Variants in THSD7A observed in about 807,000 individuals in gnomAD.
THSD7A encodes thrombospondin type-1 domain-containing protein 7A.
In THSD7A, 96 loss-of-function variants were observed where a neutral mutation model predicts 231.3. The observed-to-expected ratio is 0.41, with a 90% CI of 0.35 to 0.49. The LOEUF (loss-of-function observed/expected upper bound fraction) is 0.49. THSD7A is among the 20% of genes least tolerant of loss of function. The pLI, the probability that THSD7A is intolerant of heterozygous loss-of-function variation, is 0.05. For synonymous variants in THSD7A, 940 were observed against 743.3 expected (o/e 1.26, Z -4.30); for missense variants, 2,290 against 2,070.2 (o/e 1.11, Z -2.06).
chr7:11,741,171 C>T (rs1782100408), intron 1 of THSD7A, among the ~76,000 whole-genome samples: 1 of 151,818 alleles, frequency 6.6e-6, no homozygotes, highest in East Asian at 1.9e-4. Context: ...AGGTACTCTG[C>T]CAGGTGTTTA....
intron 4 of THSD7A, among the ~76,000 whole-genome samples, chr7:11,544,124 A>T (rs939886545): frequency 2.0e-5 from 3 of 152,130 alleles, no homozygotes; most frequent in Non-Finnish European, 4.4e-5. Flanking sequence ...TGGGCAGATC[A>T]CGAGGTCAAG....
chr7:11,460,644 T>C lies in THSD7A; in HGVS notation c.2605+18A>G. ...CTAGCGATGCTGGAGAAATGAACTG[T>C]GGAATGGGGCCTCCCACCTCTTGCC... On this transcript the variant is annotated intron_variant, in intron 11 of 27. Coordinates refer to ENST00000423059, the MANE Select transcript of THSD7A (RefSeq NM_015204.3). 6.3e-7 allele frequency: 1 copy of C among 1,589,042 alleles called. No individual in the cohort carries two copies. Among genetic ancestry groups the C allele is most frequent in the Non-Finnish European group, 8.6e-7 (1 of 1,166,416 alleles).
At chr7:11,596,174 T>G (rs919341923) in intron 2 of THSD7A, among the ~76,000 whole-genome samples, 1 of 152,196 alleles carries the variant, frequency 6.6e-6, no homozygotes, top group Non-Finnish European at 1.5e-5. Context: ...ATGGACAATT[T>G]ATGCTGTTAA....
chr7:11,615,592 T>A (rs1781078722), intron 2 of THSD7A, among the ~76,000 whole-genome samples: 1 of 152,222 alleles, frequency 6.6e-6, no homozygotes, highest in African/African-American at 2.4e-5. Context: ...CTGCTTTGGC[T>A]AAATTCTACA....
chr7:11,393,346 A>G (rs1262032472), intron 23 of THSD7A, among the ~76,000 whole-genome samples: 1 of 152,222 alleles, frequency 6.6e-6, no homozygotes, highest in African/African-American at 2.4e-5. Context: ...ATGTCCACTC[A>G]GAGACCCCGA....
At position 11,474,600 on chromosome 7, in the gene THSD7A, T is replaced by A. The variant is rs371015524; in HGVS notation, c.2018-32A>T. ...ACATGGACAATGATAGCAAATTAGA[T>A]ACGGTGCCAACAGGAACCTTACCAT... On this transcript the variant is annotated intron_variant, in intron 7 of 27. Transcript: ENST00000423059. The surrounding 1 kb of genome is among the most constrained non-coding windows in gnomAD (Gnocchi z 4.1). 1 of 1,544,932 alleles carries A rather than the reference T, an allele frequency of 6.5e-7. No individual in the cohort carries two copies. Among genetic ancestry groups the A allele is most frequent in the Non-Finnish European group, 8.9e-7 (1 of 1,128,480 alleles).
intron 1 of THSD7A, among the ~76,000 whole-genome samples, chr7:11,789,878 C>T (rs1027833947): frequency 6.6e-6 from 1 of 151,956 alleles, no homozygotes; most frequent in Admixed American, 6.6e-5. Context: ...ATCCTGTAAG[C>T]TCCTTGTAGG....
At chr7:11,441,046 C>A (rs930803124) in intron 13 of THSD7A, among the ~76,000 whole-genome samples, 1 of 152,006 alleles carries the variant, frequency 6.6e-6, no homozygotes, top group Admixed American at 6.6e-5. Flanking sequence ...ACCACTGCAA[C>A]GCCAGTAGGT....
chr7:11,705,650 T>A (rs1175102076), intron 1 of THSD7A, among the ~76,000 whole-genome samples: 1 of 150,990 alleles, frequency 6.6e-6, no homozygotes, highest in African/African-American at 2.4e-5. Context: ...TACAATAAAA[T>A]TTGTACTATA....
intron 1 of THSD7A, among the ~76,000 whole-genome samples, chr7:11,638,277 G>C (rs887850159): frequency 6.6e-6 from 1 of 152,202 alleles, no homozygotes; most frequent in Non-Finnish European, 1.5e-5. Flanking sequence ...AAAGTGATTT[G>C]CTGAGTTCAA....
intron 17 of THSD7A, among the ~76,000 whole-genome samples, chr7:11,414,680 A>AGTT (rs1174332339): frequency 6.6e-6 from 1 of 152,222 alleles, no homozygotes; most frequent in Non-Finnish European, 1.5e-5. Flanking sequence ...TTCTGAAAAC[A>AGTT]GTTGGTTTCT....
chr7:11,554,868 T>C (rs1231669839), intron 4 of THSD7A, among the ~76,000 whole-genome samples: 1 of 151,926 alleles, frequency 6.6e-6, no homozygotes, highest in Non-Finnish European at 1.5e-5. Flanking sequence ...CCATGTAGTC[T>C]AAGTTGTCAA....
At chr7:11,784,503 C>A (rs970599376) in intron 1 of THSD7A, among the ~76,000 whole-genome samples, 1 of 151,626 alleles carries the variant, frequency 6.6e-6, no homozygotes, top group African/African-American at 2.4e-5. Context: ...TTAATTTCTT[C>A]GTCTTCTTCC....
intron 1 of THSD7A, among the ~76,000 whole-genome samples, chr7:11,786,641 A>T (rs1429576637): frequency 6.8e-6 from 1 of 147,718 alleles, no homozygotes; most frequent in Non-Finnish European, 1.5e-5. Context: ...CGGAATAATA[A>T]ACCACCATTT....
chr7:11,770,989 TAC>T (rs1783207977), intron 1 of THSD7A, among the ~76,000 whole-genome samples: 3 of 151,460 alleles, frequency 2.0e-5, no homozygotes, highest in Non-Finnish European at 4.4e-5. Flanking sequence ...AATTTTTTGA[TAC>T]ATAGAAGACT....
chr7:11,509,821 C>CAAAAAAAAA lies in THSD7A; in HGVS notation c.1823-27848_1823-27840dup, dbSNP rs751048602. Among the ~76,000 whole-genome samples the CAAAAAAAAA allele has an allele frequency of 3.3e-3, 131 of 39,926 alleles. 16 individuals are homozygous for CAAAAAAAAA. The highest frequency in any genetic ancestry group is 0.011 in the East Asian group (21 of 1,828). 26.2% of individuals were successfully genotyped at this position (39,926 alleles called of 152,430 possible). A position where few individuals can be genotyped will look rare whatever the true frequency, so the allele number is the denominator to read the frequency against. ...TGGGCGACAGAGCCAGAGTCCGTCT[C>CAAAAAAAAA]AAAAAAAAAAAAAAATAACATCTGA... On this transcript the variant is annotated intron_variant, in intron 6 of 27. Coordinates refer to ENST00000423059, the MANE Select transcript of THSD7A (RefSeq NM_015204.3).
At chr7:11,760,140 C>T (rs1032483703) in intron 1 of THSD7A, among the ~76,000 whole-genome samples, 4 of 151,834 alleles carry the variant, frequency 2.6e-5, no homozygotes, top group African/African-American at 9.7e-5. Flanking sequence ...TAAATATTTC[C>T]AATAAAATGC....
chr7:11,392,855 A>C (rs1033899897), intron 23 of THSD7A, among the ~76,000 whole-genome samples: 8 of 152,220 alleles, frequency 5.3e-5, no homozygotes. Context: ...TGAGCAGGGC[A>C]TCTCTGAAAG....
At chr7:11,615,886 C>T (rs529314849) in intron 2 of THSD7A, among the ~76,000 whole-genome samples, 2 of 152,244 alleles carry the variant, frequency 1.3e-5, no homozygotes, top group African/African-American at 4.8e-5. Flanking sequence ...AGGAAACACA[C>T]TCAGATTTAG....
Sources: allele counts gnomAD v4.1 joint callset (sites outside exome capture counted in the v4.1 genomes callset), GRCh38; gene constraint gnomAD v4.1.1; non-coding constraint Gnocchi (gnomAD v3.1); transcripts MANE v1.5; gene names NCBI Gene and HGNC (gene_info 2026-07-23, HGNC 2026-07-21).